CNOT10: variants seen among roughly 807,000 people sequenced by gnomAD.
CNOT10 encodes CCR4-NOT transcription complex, subunit 10.
In CNOT10, 30 loss-of-function variants were observed where a neutral mutation model predicts 94.6. The observed-to-expected ratio is 0.32, with a 90% CI of 0.24 to 0.43. CNOT10 has a LOEUF of 0.43. Among genes scored for constraint, CNOT10 ranks in the 20% least tolerant of loss-of-function variants. CNOT10 has a pLI of 1.00. For synonymous variants in CNOT10, 289 were observed against 301.6 expected (o/e 0.96, Z 0.43); for missense variants, 759 against 877.2 (o/e 0.87, Z 1.70).
chr3:32,736,522 CCCAGTGCTAAGGGAGA>C (rs1325431473), intron 12 of CNOT10, among the ~76,000 whole-genome samples: 1 of 152,164 alleles, frequency 6.6e-6, no homozygotes, highest in Non-Finnish European at 1.5e-5. Flanking sequence ...CACCTGTAAT[CCCAGTGCTAAGGGAGA>C]CCAAGGCTGA....
chr3:32,766,398 C>G (rs1360277541), intron 17 of CNOT10, among the ~76,000 whole-genome samples: 2 of 46,236 alleles, frequency 4.3e-5, no homozygotes, highest in Non-Finnish European at 9.6e-5. Flanking sequence ...TTTGGGAGGC[C>G]GAGGTGGGCG....
intron 13 of CNOT10, among the ~76,000 whole-genome samples, chr3:32,750,949 T>G (rs1699939156): frequency 6.6e-6 from 1 of 152,200 alleles, no homozygotes; most frequent in Non-Finnish European, 1.5e-5. Flanking sequence ...TGTTATTCGT[T>G]CTGAGATTGT....
intron 17 of CNOT10, 88 bp downstream of exon 17, chr3:32,764,897 C>A: frequency 6.4e-7 from 1 of 1,563,748 alleles, no homozygotes; most frequent in South Asian, 1.2e-5. Flanking sequence ...TTTGAAGCAT[C>A]TGATCAGTTT....
At chr3:32,690,996 A>G (rs1336127816) in intron 1 of CNOT10, among the ~76,000 whole-genome samples, 1 of 79,240 alleles carries the variant, frequency 1.3e-5, no homozygotes, top group Non-Finnish European at 2.4e-5. Context: ...ACTAGCTATG[A>G]CTTTTTTTTT....
intron 1 of CNOT10, among the ~76,000 whole-genome samples, chr3:32,694,195 T>G (rs910734976): frequency 2.6e-5 from 4 of 152,186 alleles, no homozygotes; most frequent in African/African-American, 9.6e-5. Context: ...TCAGAGAAAC[T>G]TCTCCAGTAA....
chr3:32,769,740 C>T (rs1256351439), intron 17 of CNOT10, 147 bp from the exon 18 acceptor site: 1 of 635,992 alleles, frequency 1.6e-6, no homozygotes, highest in Non-Finnish European at 2.9e-6. Flanking sequence ...AACTGAGGCT[C>T]ATCAGAGCAG....
intron 12 of CNOT10, among the ~76,000 whole-genome samples, chr3:32,736,853 T>A (rs1699210004): frequency 6.6e-6 from 1 of 152,144 alleles, no homozygotes; most frequent in South Asian, 2.1e-4. Flanking sequence ...GTTATTTCCC[T>A]TTTGTAGTAA....
chr3:32,739,642 C>T (rs1699366903), intron 13 of CNOT10, among the ~76,000 whole-genome samples: 1 of 151,952 alleles, frequency 6.6e-6, no homozygotes, highest in Non-Finnish European at 1.5e-5. Flanking sequence ...AAAAATTAGG[C>T]CAGGTGCAGT....
At chr3:32,768,949 A>G (rs1428285630) in intron 17 of CNOT10, 1 of 152,118 alleles carries the variant, frequency 6.6e-6, no homozygotes, top group African/African-American at 2.4e-5. Flanking sequence ...CCTTACCCCA[A>G]AGCTCTGTTT....
Position 32,754,960 on chromosome 3 carries a change from A to G in CNOT10, c.1596-4498A>G, listed in dbSNP as rs575565762. ...CATATTCAGTTTGTTGAAAGAAATT[A>G]CATTAACCGGGCATGGTGGCTCACG... On this transcript the variant is annotated intron_variant, in intron 13 of 18. Coordinates refer to ENST00000328834, the MANE Select transcript of CNOT10 (RefSeq NM_015442.3). 4.6e-5 allele frequency among the ~76,000 whole-genome samples: 7 copies of G among 151,930 alleles called. No homozygotes were observed. The East Asian group carries it at 1.4e-3, about 30-fold the overall frequency.
intron 8 of CNOT10, among the ~76,000 whole-genome samples, chr3:32,723,842 A>T (rs775085385): frequency 6.6e-5 from 10 of 152,156 alleles, no homozygotes; most frequent in Non-Finnish European, 1.3e-4. Context: ...GCACTTTGGG[A>T]GGTCGAGGCA....
chr3:32,689,374 A>AG (rs1460612747), intron 1 of CNOT10, among the ~76,000 whole-genome samples: 3 of 151,780 alleles, frequency 2.0e-5, no homozygotes, highest in Admixed American at 6.6e-5. Flanking sequence ...AAAAAGAAAA[A>AG]GAAAAAAAAG....
chr3:32,761,084 G>A (rs1285664320), intron 14 of CNOT10, among the ~76,000 whole-genome samples: 4 of 152,054 alleles, frequency 2.6e-5, no homozygotes, highest in East Asian at 1.9e-4. Flanking sequence ...AGCCAAGATT[G>A]TACCACTGCA....
intron 1 of CNOT10, among the ~76,000 whole-genome samples, chr3:32,698,174 C>T (rs1429326594): frequency 1.3e-5 from 2 of 152,182 alleles, no homozygotes; most frequent in East Asian, 3.8e-4. Context: ...AACTGTTTAA[C>T]ATTGTCCTTT....
In CNOT10 at chr3:32,727,731, A is replaced by G. The variant is rs138790354; in HGVS notation, c.1076A>G (p.Tyr359Cys). The G allele has an allele frequency of 2.0e-5, 33 of 1,614,006 alleles. No individual in the cohort carries two copies. The South Asian group carries it at 3.0e-4, about 14-fold the overall frequency. The change falls in exon 10 of 19, where the codon TAT becomes TGT. Residue 359 changes from tyrosine to cysteine, a missense_variant. Tyr to Cys is a radical substitution (Grantham distance 194). Around this residue, in one of 3 missense-constraint regions of CNOT10, gnomAD observed 682 missense variants for 799.4 expected, o/e 0.85. Transcript: ENST00000328834. ...LLTNKRYELL[Y>C]NCGIQLLHIG... Reference sequence around the variant, plus strand: ...ACCAATAAGAGATATGAGTTGCTGTATAACTGTGGAATTCAGCTTCTTCAC... The same window carrying G: ...ACCAATAAGAGATATGAGTTGCTGTGTAACTGTGGAATTCAGCTTCTTCAC...
At position 32,710,922 on chromosome 3, in the gene CNOT10, A is replaced by G. The variant is rs115416298; in HGVS notation, c.430+2102A>G. 4.0e-3 allele frequency among the ~76,000 whole-genome samples: 607 copies of G among 152,044 alleles called. 1 individual carries two copies. Among genetic ancestry groups the G allele is most frequent in the Middle Eastern group, 6.8e-3 (2 of 294 alleles). On this transcript the variant is annotated intron_variant, in intron 4 of 18. Transcript: ENST00000328834. ...TGTTTTGCAGAGACTGGGTTTCACT[A>G]TGTTGCCTAGGCTGGTCTTGAACTC...
chr3:32,716,929 G>A (rs1048882570), intron 6 of CNOT10, among the ~76,000 whole-genome samples: 2 of 152,178 alleles, frequency 1.3e-5, no homozygotes, highest in South Asian at 2.1e-4. Flanking sequence ...GATTACAGGC[G>A]TGAGCCACCA....
intron 13 of CNOT10, among the ~76,000 whole-genome samples, chr3:32,738,147 CAA>C (rs1297951105): frequency 2.6e-5 from 4 of 151,968 alleles, no homozygotes; most frequent in African/African-American, 4.8e-5. Flanking sequence ...CTCATGGACA[CAA>C]AGAGGGGAAC....
At chr3:32,711,664 T>C (rs954299038) in intron 4 of CNOT10, among the ~76,000 whole-genome samples, 3 of 152,310 alleles carry the variant, frequency 2.0e-5, no homozygotes, top group South Asian at 2.1e-4. Flanking sequence ...GAAAAGACAT[T>C]ATCCTTGCTA....
Sources: gnomAD v4.1 joint callset for allele counts (sites outside exome capture counted in the v4.1 genomes callset) on GRCh38, gnomAD v4.1.1 for gene constraint, gnomAD v4.1.1 regional missense constraint, MANE v1.5 for transcripts, NCBI Gene and HGNC (gene_info 2026-07-23, HGNC 2026-07-21) for gene names.